The following PARVG variants were observed in gnomAD, a reference collection of about 807,000 sequenced individuals.
The protein encoded by PARVG is parvin gamma.
In PARVG, 36 loss-of-function variants were observed where a neutral mutation model predicts 44.4. The observed-to-expected ratio is 0.81, with a 90% confidence interval of 0.62 to 1.07. The LOEUF (loss-of-function observed/expected upper bound fraction) is 1.07, where lower values mean the gene tolerates loss of function less well. PARVG is among the 50% of genes least tolerant of loss of function. PARVG has a pLI of 0.00. For missense variants in PARVG, 407 were observed against 407.4 expected (o/e 1.00, Z 0.01); for synonymous variants, 170 against 174.1 (o/e 0.98, Z 0.19).
chr22:44,185,651 T>C, intron 3 of PARVG, 157 bp from the exon 4 acceptor site: 1 of 601,316 alleles, frequency 1.7e-6, no homozygotes, highest in East Asian at 2.9e-5. Flanking sequence ...GATGAGCTGG[T>C]GTTCGTGAGG....
chr22:44,176,618 A>T (rs1271798039), upstream of PARVG, among the ~76,000 whole-genome samples: 2 of 150,696 alleles, frequency 1.3e-5, no homozygotes, highest in Non-Finnish European at 2.9e-5. Flanking sequence ...ACTTAGAGTG[A>T]TATTAAACTA....
intron 12 of PARVG, among the ~76,000 whole-genome samples, chr22:44,200,817 G>A (rs1244791924): frequency 6.6e-6 from 1 of 152,126 alleles, no homozygotes; most frequent in Non-Finnish European, 1.5e-5. Context: ...CCCAGTAGCA[G>A]GTGAGGTCCC....
chr22:44,174,304 G>A (rs1005984814), intron 1 of PARVG, among the ~76,000 whole-genome samples: 26 of 152,184 alleles, frequency 1.7e-4, no homozygotes, highest in African/African-American at 6.3e-4. Flanking sequence ...CCTGGAGATG[G>A]TGTGGTGGAA....
intron 10 of PARVG, 52 bp from the exon 11 acceptor site, chr22:44,196,295 G>C: frequency 1.2e-6 from 2 of 1,613,954 alleles, no homozygotes; most frequent in Admixed American, 3.3e-5. Flanking sequence ...GGGAATCACG[G>C]GTCCTCCCAT....
chr22:44,189,082 C>T (rs1569181170), intron 5 of PARVG, 32 bp from the exon 6 acceptor site: 1 of 1,613,444 alleles, frequency 6.2e-7, no homozygotes, highest in Middle Eastern at 1.7e-4. Flanking sequence ...TGTCCCCGGC[C>T]AGGGGTCCTC....
intron 12 of PARVG, among the ~76,000 whole-genome samples, chr22:44,203,615 C>T (rs914715886): frequency 2.0e-5 from 3 of 152,166 alleles, no homozygotes; most frequent in East Asian, 1.9e-4. Context: ...GTTCTCACTC[C>T]GACATTTACT....
chr22:44,194,277 A>G (rs1056419903), intron 9 of PARVG, among the ~76,000 whole-genome samples: 17 of 152,364 alleles, frequency 1.1e-4, no homozygotes, highest in African/African-American at 3.6e-4. Flanking sequence ...GCAGTGCTCA[A>G]TAGTGAGTGG....
At chr22:44,200,836 C>T (rs886982581) in intron 12 of PARVG, among the ~76,000 whole-genome samples, 11 of 152,068 alleles carry the variant, frequency 7.2e-5, no homozygotes, top group Admixed American at 7.2e-4. Context: ...CCCCCTGGAC[C>T]CCTACCAGAC....
chr22:44,205,930 T>C, intron 13 of PARVG, 101 bp downstream of exon 13: 3 of 1,357,664 alleles, frequency 2.2e-6, no homozygotes, highest in East Asian at 2.5e-5. Flanking sequence ...TGAGCACGCA[T>C]TGGCAGAGTC....
intron 3 of PARVG, chr22:44,184,144 G>C (rs1490824663): frequency 6.5e-6 from 1 of 152,904 alleles, no homozygotes; most frequent in Admixed American, 6.5e-5. Flanking sequence ...TTCTCTGAAA[G>C]AAACAAATGA....
chr22:44,180,917 A>G (rs945785685), upstream of PARVG: 13 of 985,278 alleles, frequency 1.3e-5, no homozygotes, highest in Admixed American at 4.3e-4. Flanking sequence ...CCGGATGGTG[A>G]AGATTCCAGC....
At chr22:44,191,927 A>C (rs2054553743) in intron 7 of PARVG, 122 bp from the exon 8 acceptor site, 1 of 1,123,454 alleles carries the variant, frequency 8.9e-7, no homozygotes, top group African/African-American at 1.5e-5. Flanking sequence ...CTGGGGAAGA[A>C]AGACAATTAA....
At chr22:44,202,923 T>G in intron 12 of PARVG, among the ~76,000 whole-genome samples, 1 of 152,214 alleles carries the variant, frequency 6.6e-6, no homozygotes, top group Admixed American at 6.5e-5. Context: ...GTTAAATTAC[T>G]TTCCCCAGGA....
chr22:44,185,991 C>A, intron 4 of PARVG, 119 bp downstream of exon 4: 1 of 859,974 alleles, frequency 1.2e-6, no homozygotes, highest in Non-Finnish European at 1.8e-6. Flanking sequence ...TGGGGGGTGG[C>A]GACCCCCGAA....
chr22:44,205,909 G>A, intron 13 of PARVG, 80 bp downstream of exon 13: 1 of 1,498,238 alleles, frequency 6.7e-7, no homozygotes, highest in Non-Finnish European at 9.1e-7. Flanking sequence ...AGGGTGCAGG[G>A]CATTGGGGGA....
intron 3 of PARVG, 62 bp from the exon 4 acceptor site, chr22:44,185,746 G>C (rs762024891): frequency 2.4e-5 from 34 of 1,431,722 alleles, no homozygotes; most frequent in Non-Finnish European, 3.2e-5. Flanking sequence ...GTGACCTGCA[G>C]GGAGTGTGGC....
chr22:44,180,152 TGGCTGTGTCCCTCTACCAAA>T (rs1407172219), upstream of PARVG, among the ~76,000 whole-genome samples: 1 of 152,178 alleles, frequency 6.6e-6, no homozygotes, highest in Non-Finnish European at 1.5e-5. Context: ...CACCATGAGC[TGGCTGTGTCCCTCTACCAAA>T]GGCCACAGCT....
At chr22:44,189,068 G>A (rs1246310562) in intron 5 of PARVG, 46 bp from the exon 6 acceptor site, 1 of 1,612,046 alleles carries the variant, frequency 6.2e-7, no homozygotes, top group East Asian at 2.2e-5. Flanking sequence ...GGTGCTCTCT[G>A]GTCTGTCCCC....
At position 44,181,871 on chromosome 22, in the gene PARVG, C is replaced by T; in HGVS notation, c.-59C>T. On this transcript the variant is annotated 5_prime_UTR_variant, in exon 2 of 14. Coordinates refer to ENST00000444313, the MANE Select transcript of PARVG (RefSeq NM_022141.7). The stretch of plus-strand genomic sequence containing the variant: ...CTTCCATTCGGAATCCAGGGACCAC[C>T]CTTTGCACTCAGTAGGCCTTTGTTT... 1.0e-6 allele frequency: 1 copy of T among 985,496 alleles called. No homozygotes were observed. The highest frequency in any genetic ancestry group is 1.2e-6 in the Non-Finnish European group (1 of 830,010). The allele number at this position is 985,496 out of a possible 1,614,324, so 61.0% of individuals were successfully genotyped here.
Sources: allele counts gnomAD v4.1 joint callset (sites outside exome capture counted in the v4.1 genomes callset), GRCh38; gene constraint gnomAD v4.1.1; transcripts MANE v1.5; gene names NCBI Gene and HGNC (gene_info 2026-07-23, HGNC 2026-07-21).